Variants in CDH26 observed in about 807,000 individuals in gnomAD.
CDH26 encodes cadherin 26.
CDH26 carries 83 observed loss-of-function variants against 90.3 expected under a neutral mutation model. That is an observed-to-expected ratio of 0.92 (90% CI 0.77 to 1.10). The LOEUF is 1.10. CDH26 is among the 50% of genes least tolerant of loss of function. CDH26 has a pLI of 0.00. For missense variants in CDH26, 1,013 were observed against 1,037.6 expected (o/e 0.98, Z 0.33); for synonymous variants, 397 against 396.3 (o/e 1.00, Z -0.02).
chr20:60,001,285 T>G, intron 14 of CDH26, 58 bp from the exon 15 acceptor site: 2 of 1,609,184 alleles, frequency 1.2e-6, no homozygotes, highest in South Asian at 2.2e-5. Context: ...ATGCCCACTT[T>G]GTTTCCAGCT....
chr20:59,981,526 G>T (rs1848192071), intron 4 of CDH26, among the ~76,000 whole-genome samples: 1 of 152,082 alleles, frequency 6.6e-6, no homozygotes, highest in African/African-American at 2.4e-5. Flanking sequence ...AAATATAGCT[G>T]ATTTTTATAG....
intron 7 of CDH26, among the ~76,000 whole-genome samples, chr20:60,025,251 A>G (rs2061987638): frequency 6.6e-6 from 1 of 152,276 alleles, no homozygotes; most frequent in African/African-American, 2.4e-5. Flanking sequence ...CCACTGATGC[A>G]TAAACGTGTG....
At chr20:59,968,838 T>A (rs1405501954) in intron 1 of CDH26, 129 bp from the exon 2 acceptor site, 2 of 464,892 alleles carry the variant, frequency 4.3e-6, no homozygotes, top group East Asian at 6.5e-5. Flanking sequence ...AGAAATTCTA[T>A]TTACCAAAAC....
chr20:59,966,976 C>G (rs896161353), intron 1 of CDH26, among the ~76,000 whole-genome samples: 1 of 149,786 alleles, frequency 6.7e-6, no homozygotes. Flanking sequence ...AATGAAAAAT[C>G]AATGATAAGT....
intron 4 of CDH26, among the ~76,000 whole-genome samples, chr20:59,975,651 A>T (rs989819032): frequency 6.6e-6 from 1 of 152,222 alleles, no homozygotes; most frequent in Non-Finnish European, 1.5e-5. Flanking sequence ...GACGTGTCCT[A>T]AACACTACAC....
At chr20:60,021,841 C>A (rs2061953240) in intron 7 of CDH26, among the ~76,000 whole-genome samples, 1 of 137,426 alleles carries the variant, frequency 7.3e-6, no homozygotes, top group South Asian at 2.4e-4. Context: ...AGCCGATATC[C>A]TTATCTGTAC....
At chr20:59,960,510 G>A (rs1057083083) in intron 1 of CDH26, among the ~76,000 whole-genome samples, 3 of 152,042 alleles carry the variant, frequency 2.0e-5, no homozygotes, top group Admixed American at 6.5e-5. Context: ...TATCACAAAA[G>A]CTCTGCAAAA....
At chr20:60,032,060 T>C (rs1438660341) in intron 8 of CDH26, among the ~76,000 whole-genome samples, 1 of 152,240 alleles carries the variant, frequency 6.6e-6, no homozygotes, top group East Asian at 1.9e-4. Context: ...TATAATTCAA[T>C]AACTATCATT....
At position 59,958,613 on chromosome 20, in the gene CDH26, A is replaced by G; in HGVS notation, c.-114A>G. On this transcript the variant is annotated 5_prime_UTR_variant, in exon 1 of 18. Transcript: ENST00000348616. The stretch of plus-strand genomic sequence containing the variant: ...GCATCTGGGCCAAAGTGACCTGAAA[A>G]CCTTTAGAGAAGAAGCTGCTGGCTG... 1.1e-6 allele frequency: 1 copy of G among 948,402 alleles called. No individual in the cohort carries two copies. The allele number at this position is 948,402 out of a possible 1,614,324, so 58.7% of individuals were successfully genotyped here.
At position 60,002,749 on chromosome 20, in the gene CDH26, A is replaced by C. The variant is rs114921460; in HGVS notation, c.2167-64A>C. On this transcript the variant is annotated intron_variant, in intron 15 of 17. Transcript: ENST00000348616. ...AGGCAATATGACTGCAAGAATTTCT[A>C]GTTATGTATTTGCATCCTTTGGTAA... is the stretch of plus-strand genomic sequence containing the variant. 1.4e-3 allele frequency: 1,843 copies of C among 1,284,592 alleles called. 19 individuals are homozygous for C. The African/African-American group carries it at 0.024, about 17-fold the overall frequency. The allele number at this position is 1,284,592 out of a possible 1,614,324, so 79.6% of individuals were successfully genotyped here. A position where few individuals can be genotyped will look rare whatever the true frequency, so the allele number is the denominator to read the frequency against.
intron 13 of CDH26, among the ~76,000 whole-genome samples, chr20:59,997,037 A>G (rs2061607286): frequency 6.6e-6 from 1 of 152,232 alleles, no homozygotes; most frequent in Non-Finnish European, 1.5e-5. Context: ...TAGGAGTGCT[A>G]CTGGCATCTA....
intron 7 of CDH26, among the ~76,000 whole-genome samples, chr20:59,987,124 A>T (rs1464174551): frequency 2.0e-5 from 3 of 152,194 alleles, no homozygotes; most frequent in Non-Finnish European, 4.4e-5. Context: ...AGCATAAACT[A>T]GGATTGTGTA....
rs536196370 is a variant in CDH26 at position 59,985,348 on chromosome 20, G to A, written c.837+219G>A. 1.2e-4 allele frequency among the ~76,000 whole-genome samples: 18 copies of A among 152,286 alleles called. No homozygotes were observed. The East Asian group carries it at 3.1e-3, about 26-fold the overall frequency. ...TGGCACCGGCTCAGCTTCTAGGGAG[G>A]CCTCAGGACGCCTATGATCATGGCG... On this transcript the variant is annotated intron_variant, in intron 7 of 17. Coordinates refer to ENST00000348616, the MANE Select transcript of CDH26 (RefSeq NM_177980.4).
At chr20:59,965,531 A>T (rs537513653) in intron 1 of CDH26, among the ~76,000 whole-genome samples, 1 of 152,212 alleles carries the variant, frequency 6.6e-6, no homozygotes, top group African/African-American at 2.4e-5. Context: ...AAGTGCCACT[A>T]TCTATATATT....
At chr20:60,021,857 C>CACACACACACACACACACACACAT (rs1569068546) in intron 7 of CDH26, among the ~76,000 whole-genome samples, 2,071 of 69,306 alleles carry the variant, frequency 0.03, 161 homozygotes, top group Non-Finnish European at 0.048. Flanking sequence ...TGTACACACA[C>CACACACACACACACACACACACAT]ACACACACAC....
chr20:59,991,722 TTTGTTG>T (rs367865994), intron 9 of CDH26, among the ~76,000 whole-genome samples: 1 of 152,116 alleles, frequency 6.6e-6, no homozygotes. Context: ...ACCTGCACTT[TTTGTTG>T]TTGTTGTTGT....
At chr20:60,003,697 A>T (rs1229893872) in intron 16 of CDH26, among the ~76,000 whole-genome samples, 1 of 152,236 alleles carries the variant, frequency 6.6e-6, no homozygotes, top group Non-Finnish European at 1.5e-5. Context: ...TAAAAATAAT[A>T]TTCAATATTG....
chr20:59,998,919 G>A (rs1465022976), intron 13 of CDH26, among the ~76,000 whole-genome samples: 1 of 152,148 alleles, frequency 6.6e-6, no homozygotes, highest in African/African-American at 2.4e-5. Flanking sequence ...ATCTCTAGGT[G>A]CACTTATCCC....
intron 7 of CDH26, among the ~76,000 whole-genome samples, chr20:60,025,265 T>C (rs1399686627): frequency 6.6e-6 from 1 of 152,242 alleles, no homozygotes; most frequent in Non-Finnish European, 1.5e-5. Flanking sequence ...ACGTGTGCTA[T>C]GCTTTAGAGT....
Sources: allele counts gnomAD v4.1 joint callset (sites outside exome capture counted in the v4.1 genomes callset), GRCh38; gene constraint gnomAD v4.1.1; transcripts MANE v1.5; gene names NCBI Gene and HGNC (gene_info 2026-07-23, HGNC 2026-07-21).